Variants in C2CD3 observed in about 807,000 individuals in gnomAD.
C2CD3 encodes the protein C2 domain containing 3 centriole elongation regulator, also known as C2 domain-containing protein 3.
Under a neutral mutation model 234.0 loss-of-function variants are expected in C2CD3, and 148 were observed. The observed-to-expected ratio is 0.63, with a 90% CI of 0.55 to 0.72. The LOEUF is 0.72. C2CD3 is among the 30% of genes least tolerant of loss of function. The probability of loss-of-function intolerance (pLI) is 0.00; values close to 1 mark genes in which losing one functional copy is unlikely to be tolerated. For missense variants in C2CD3, 2,577 were observed against 2,811.5 expected (o/e 0.92, Z 1.89); for synonymous variants, 1,000 against 1,035.4 (o/e 0.97, Z 0.66).
intron 13 of C2CD3, among the ~76,000 whole-genome samples, chr11:74,105,129 C>T (rs1956463178): frequency 6.6e-6 from 1 of 152,148 alleles, no homozygotes. Flanking sequence ...CTTACTGACT[C>T]TTTACGTAGA....
intron 9 of C2CD3, among the ~76,000 whole-genome samples, chr11:74,116,471 A>G (rs1956929498): frequency 6.6e-6 from 1 of 152,064 alleles, no homozygotes; most frequent in African/African-American, 2.4e-5. Context: ...AAATTAAAAA[A>G]AAAAAGAATG....
chr11:74,162,199 A>C (rs1272299270), intron 2 of C2CD3, among the ~76,000 whole-genome samples: 2 of 152,214 alleles, frequency 1.3e-5, no homozygotes, highest in Non-Finnish European at 2.9e-5. Flanking sequence ...AATAATGGCA[A>C]AATGGTGAAA....
In C2CD3 at chr11:74,078,556, T is replaced by C. The variant is rs771122449; in HGVS notation, c.4162A>G (p.Ser1388Gly). The change falls in exon 23 of 33, where the codon AGC becomes GGC. Residue 1388 changes from serine to glycine, a missense_variant. Ser to Gly is a moderately conservative substitution (Grantham distance 56). Transcript: ENST00000334126. ...AAATCTTTCAGGCTGTTCTCAAAGC[T>C]CCAGCCCAAATGCTCAGCAGCTTCC... is the stretch of plus-strand genomic sequence containing the variant. Reference protein sequence around the residue: ...VLEAAEHLGWSFENSLKDFVR... With the variant: ...VLEAAEHLGWGFENSLKDFVR... 6.2e-7 allele frequency: 1 copy of C among 1,614,024 alleles called. No homozygotes were observed. The highest frequency in any genetic ancestry group is 2.2e-5 in the East Asian group (1 of 44,878).
intron 8 of C2CD3, 66 bp downstream of exon 8, chr11:74,122,922 T>C (rs1355891061): frequency 2.2e-5 from 15 of 697,104 alleles, no homozygotes; most frequent in East Asian, 1.5e-4. Flanking sequence ...CTGTCATGCC[T>C]GCAGCTACTA....
At position 74,098,261 on chromosome 11, in the gene C2CD3, G is replaced by T. The variant is rs765640143; in HGVS notation, c.2733-6C>A. On this transcript the variant is annotated splice_region_variant and splice_polypyrimidine_tract_variant and intron_variant, in intron 15 of 32. Transcript: ENST00000334126. ...GGCGAGAAATCTTAGCATCTCTAGA[G>T]GGGGAGAAATTGTGAATAAGCAAAT... 1.1e-5 allele frequency: 17 copies of T among 1,612,020 alleles called. No homozygotes were observed. The African/African-American group carries it at 1.5e-4, about 14-fold the overall frequency.
intron 3 of C2CD3, among the ~76,000 whole-genome samples, chr11:74,151,143 C>T (rs1239462252): frequency 1.3e-5 from 2 of 152,098 alleles, no homozygotes; most frequent in East Asian, 1.9e-4. Flanking sequence ...GCAGGCTGAT[C>T]TCGAACTCCT....
rs72379516 is a variant in C2CD3 at position 74,073,586 on chromosome 11, CAAA to C, written c.4951+664_4951+666del. Among the ~76,000 whole-genome samples, 45 of 114,564 alleles carry C rather than the reference CAAA, an allele frequency of 3.9e-4. 1 individual carries two copies. Among genetic ancestry groups the C allele is most frequent in the African/African-American group, 4.0e-4 (13 of 32,420 alleles). The allele number at this position is 114,564 out of a possible 152,430, so 75.2% of individuals were successfully genotyped here. ...TGGGCGACAGAGCAAGACTTTGTTT[CAAA>C]AAAAAAAAAAAAAAAATCAAAACAA... is the stretch of plus-strand genomic sequence containing the variant. On this transcript the variant is annotated intron_variant, in intron 24 of 32. Transcript: ENST00000334126.
intron 24 of C2CD3, among the ~76,000 whole-genome samples, chr11:74,058,900 T>C (rs943406788): frequency 6.6e-6 from 1 of 152,170 alleles, no homozygotes; most frequent in African/African-American, 2.4e-5. Flanking sequence ...AAGTGCTCGA[T>C]AGCCACATGG....
At chr11:74,071,545 C>T (rs549664718) in intron 24 of C2CD3, among the ~76,000 whole-genome samples, 7 of 152,288 alleles carry the variant, frequency 4.6e-5, no homozygotes, top group South Asian at 2.1e-4. Context: ...TTTTGAACTT[C>T]GGTCTCCTCA....
intron 5 of C2CD3, 117 bp from the exon 6 acceptor site, chr11:74,133,674 C>T: frequency 9.8e-7 from 1 of 1,015,826 alleles, no homozygotes; most frequent in Non-Finnish European, 1.4e-6. Flanking sequence ...ATAGTTTGCT[C>T]ATCTGCCTTC....
rs370431955 is a variant in C2CD3, at chr11:74,113,783, C to T, written c.1840G>A (p.Gly614Arg). ...VRLASSKITDGKVKFQQRFVF... is the reference protein window; with the variant it reads ...VRLASSKITDRKVKFQQRFVF... ...AGAAAACCAGTGTGTCTCTTACTTC[C>T]ATCTGTAATTTTACTGGAGGCGAGT... Residue 614 changes from glycine to arginine, a missense_variant, in exon 11 of 33, where the codon GGA becomes AGA. Coordinates refer to ENST00000334126, the MANE Select transcript of C2CD3 (RefSeq NM_001286577.2). 1 of 1,579,504 alleles carries T rather than the reference C, an allele frequency of 6.3e-7. No individual in the cohort carries two copies. The highest frequency in any genetic ancestry group is 8.7e-7 in the Non-Finnish European group (1 of 1,148,826).
At chr11:74,014,535 C>T (rs896873141) in intron 32 of C2CD3, among the ~76,000 whole-genome samples, 2 of 131,132 alleles carry the variant, frequency 1.5e-5, no homozygotes, top group African/African-American at 8.8e-5. Flanking sequence ...GCGAGAGTTG[C>T]GCCCAGCGAG....
chr11:74,022,050 C>T (rs1035250330), intron 32 of C2CD3, among the ~76,000 whole-genome samples: 9 of 151,802 alleles, frequency 5.9e-5, no homozygotes, highest in South Asian at 2.1e-4. Context: ...TGCTTGCACT[C>T]GGGAGGCAGA....
intron 3 of C2CD3, among the ~76,000 whole-genome samples, chr11:74,158,137 G>A (rs1239145615): frequency 6.6e-6 from 1 of 152,068 alleles, no homozygotes; most frequent in Non-Finnish European, 1.5e-5. Flanking sequence ...AGGATTTTTT[G>A]GGTAAGACCT....
chr11:74,057,730 G>T (rs1954025081), intron 24 of C2CD3, among the ~76,000 whole-genome samples, 186 bp from the exon 25 acceptor site: 1 of 152,096 alleles, frequency 6.6e-6, no homozygotes, highest in East Asian at 1.9e-4. Context: ...CAGCACGTTG[G>T]GAGACCAAGG....
At chr11:74,066,758 T>C (rs1954561365) in intron 24 of C2CD3, among the ~76,000 whole-genome samples, 1 of 152,134 alleles carries the variant, frequency 6.6e-6, no homozygotes, top group African/African-American at 2.4e-5. Context: ...GACAGAAAGA[T>C]GGTCACCAAA....
At chr11:74,130,225 A>C (rs1475714389) in intron 7 of C2CD3, among the ~76,000 whole-genome samples, 1 of 147,196 alleles carries the variant, frequency 6.8e-6, no homozygotes, top group African/African-American at 2.5e-5. Flanking sequence ...TAAGGGTCCA[A>C]CTTTTTTTTT....
chr11:74,127,409 C>T (rs1448097076), intron 7 of C2CD3, among the ~76,000 whole-genome samples: 2 of 152,100 alleles, frequency 1.3e-5, no homozygotes, highest in Non-Finnish European at 2.9e-5. Flanking sequence ...TGTATGGATA[C>T]TCCAGATTTC....
At position 74,074,543 on chromosome 11, in the gene C2CD3, A is replaced by G. The variant is rs1359817418; in HGVS notation, c.4661T>C (p.Val1554Ala). The G allele has an allele frequency of 1.2e-6, 2 of 1,614,006 alleles. No homozygotes were observed. The highest frequency in any genetic ancestry group is 4.5e-5 in the East Asian group (2 of 44,868). ...ASNLSGAALR[V>A]HVVLSSLSSH... ...GGAAAGAGAGGAAAGAACCACATGA[A>G]CTCGCAAGGCAGCTCCTGAGAGGTT... Residue 1554 changes from valine (V) to alanine (A), a missense_variant, in exon 24 of 33, where the codon GTT becomes GCT. Coordinates refer to ENST00000334126, the MANE Select transcript of C2CD3 (RefSeq NM_001286577.2).
Sources: allele counts gnomAD v4.1 joint callset (sites outside exome capture counted in the v4.1 genomes callset), GRCh38; gene constraint gnomAD v4.1.1; transcripts MANE v1.5; gene names NCBI Gene and HGNC (gene_info 2026-07-23, HGNC 2026-07-21).